Variants in NR3C2 observed in about 807,000 individuals in gnomAD.
The protein encoded by NR3C2 is mineralocorticoid receptor.
Under a neutral mutation model 86.4 loss-of-function variants are expected in NR3C2, and 15 were observed. That is an observed-to-expected ratio of 0.17 (90% CI 0.12 to 0.27). The LOEUF (loss-of-function observed/expected upper bound fraction) is 0.27. NR3C2 is among the 10% of genes least tolerant of loss of function. NR3C2 has a pLI of 1.00. For synonymous variants in NR3C2, 458 were observed against 450.5 expected, an observed-to-expected ratio of 1.02 and a Z score of -0.21; for missense variants, 960 against 1,195.6, an observed-to-expected ratio of 0.80 and a Z score of 2.91.
chr4:148,342,793 A>G (rs1744811874), intron 2 of NR3C2, among the ~76,000 whole-genome samples: 1 of 152,154 alleles, frequency 6.6e-6, no homozygotes, highest in Non-Finnish European at 1.5e-5. Context: ...CAGTAACAGT[A>G]AGATTTTCAC....
intron 2 of NR3C2, among the ~76,000 whole-genome samples, chr4:148,299,008 A>T (rs932972929): frequency 3.3e-5 from 5 of 152,186 alleles, no homozygotes; most frequent in African/African-American, 1.2e-4. Flanking sequence ...TGCAAGGGGG[A>T]AGAGTCTGGC....
chr4:148,098,967 T>C (rs1159338925), intron 8 of NR3C2, among the ~76,000 whole-genome samples: 2 of 152,196 alleles, frequency 1.3e-5, no homozygotes, highest in African/African-American at 2.4e-5. Flanking sequence ...TCCTTTTTTA[T>C]AGCATATCAG....
intron 3 of NR3C2, among the ~76,000 whole-genome samples, chr4:148,212,352 A>T (rs1403390564): frequency 6.6e-6 from 1 of 152,254 alleles, no homozygotes; most frequent in Non-Finnish European, 1.5e-5. Context: ...ATAGAGCCTC[A>T]TGGAACCTAC....
chr4:148,213,899 G>C (rs1737402451), intron 3 of NR3C2, among the ~76,000 whole-genome samples: 1 of 152,174 alleles, frequency 6.6e-6, no homozygotes, highest in African/African-American at 2.4e-5. Context: ...GGGAAAAATG[G>C]TGCAAATGGT....
At chr4:148,287,642 C>T (rs1213717518) in intron 2 of NR3C2, among the ~76,000 whole-genome samples, 1 of 152,082 alleles carries the variant, frequency 6.6e-6, no homozygotes, top group Non-Finnish European at 1.5e-5. Context: ...TTTGATAAAA[C>T]AATCAGGTAC....
intron 2 of NR3C2, among the ~76,000 whole-genome samples, chr4:148,313,091 G>A (rs1208764907): frequency 6.6e-6 from 1 of 152,118 alleles, no homozygotes; most frequent in Non-Finnish European, 1.5e-5. Flanking sequence ...CAACTGCAGA[G>A]AATAAGCCAT....
chr4:148,355,265 G>A (rs1400019799), intron 2 of NR3C2, among the ~76,000 whole-genome samples: 1 of 152,084 alleles, frequency 6.6e-6, no homozygotes, highest in Non-Finnish European at 1.5e-5. Context: ...GAGGCCCCAA[G>A]GAAAACTACA....
chr4:148,371,318 C>T (rs962135407), intron 2 of NR3C2, among the ~76,000 whole-genome samples: 2 of 152,154 alleles, frequency 1.3e-5, no homozygotes, highest in African/African-American at 4.8e-5. Context: ...CTCCATTTCT[C>T]TTGCACCCCC....
chr4:148,428,296 AC>A (rs1483706043), intron 2 of NR3C2, among the ~76,000 whole-genome samples: 6 of 152,216 alleles, frequency 3.9e-5, no homozygotes, highest in African/African-American at 1.4e-4. Context: ...TGCCAAAGGT[AC>A]ATCTGTTGAA....
intron 4 of NR3C2, among the ~76,000 whole-genome samples, chr4:148,167,165 G>A (rs180700549): frequency 2.1e-4 from 32 of 152,240 alleles, no homozygotes; most frequent in African/African-American, 5.1e-4. Context: ...TTTCACTGAT[G>A]GCTTTGTTAG....
chr4:148,267,547 A>AAAAATAATTT (rs1368749322), intron 2 of NR3C2, among the ~76,000 whole-genome samples: 2 of 152,156 alleles, frequency 1.3e-5, no homozygotes, highest in Non-Finnish European at 2.9e-5. Flanking sequence ...GGGTTTTTAA[A>AAAAATAATTT]AAAATAATTT....
At chr4:148,333,470 T>A (rs933747000) in intron 2 of NR3C2, among the ~76,000 whole-genome samples, 5 of 151,938 alleles carry the variant, frequency 3.3e-5, no homozygotes, top group Non-Finnish European at 5.9e-5. Context: ...GATATAACCA[T>A]GTGACTAAGT....
intron 4 of NR3C2, among the ~76,000 whole-genome samples, chr4:148,188,044 TG>T (rs1296825110): frequency 1.3e-5 from 2 of 152,220 alleles, no homozygotes; most frequent in African/African-American, 4.8e-5. Context: ...GGTTTATTTC[TG>T]GGTTCTCTAC....
intron 8 of NR3C2, among the ~76,000 whole-genome samples, chr4:148,083,963 A>T (rs138178485): frequency 4.3e-4 from 66 of 152,308 alleles, no homozygotes; most frequent in African/African-American, 1.1e-3. Context: ...CAAGAAAAGA[A>T]GATGAGAGAA....
intron 4 of NR3C2, among the ~76,000 whole-genome samples, chr4:148,173,633 T>C (rs1560959567): frequency 6.6e-6 from 1 of 152,238 alleles, no homozygotes; most frequent in Non-Finnish European, 1.5e-5. Context: ...AACTGTGAGA[T>C]AATAAACTTG....
At chr4:148,085,560 C>A (rs1469604113) in intron 8 of NR3C2, among the ~76,000 whole-genome samples, 1 of 152,096 alleles carries the variant, frequency 6.6e-6, no homozygotes, top group Non-Finnish European at 1.5e-5. Flanking sequence ...AAAGTTGATA[C>A]CCTAACATCA....
At chr4:148,395,984 G>A (rs942109323) in intron 2 of NR3C2, among the ~76,000 whole-genome samples, 2 of 152,178 alleles carry the variant, frequency 1.3e-5, no homozygotes, top group African/African-American at 2.4e-5. Flanking sequence ...ATTCCACTAT[G>A]CTTACAAAAG....
At chr4:148,115,616 G>A (rs779874005) in intron 7 of NR3C2, among the ~76,000 whole-genome samples, 5 of 152,148 alleles carry the variant, frequency 3.3e-5, no homozygotes, top group Non-Finnish European at 5.9e-5. Context: ...CTGGAAGCCA[G>A]GCATACTGCT....
intron 2 of NR3C2, among the ~76,000 whole-genome samples, chr4:148,262,554 C>G (rs1740174843): frequency 6.6e-6 from 1 of 152,134 alleles, no homozygotes; most frequent in South Asian, 2.1e-4. Flanking sequence ...CAGTTAACGG[C>G]AACTACTATG....
Sources: gnomAD v4.1 joint callset for allele counts (sites outside exome capture counted in the v4.1 genomes callset) on GRCh38, gnomAD v4.1.1 for gene constraint, MANE v1.5 for transcripts, NCBI Gene and HGNC (gene_info 2026-07-23, HGNC 2026-07-21) for gene names.